FOCAD: variants seen among roughly 807,000 people sequenced by gnomAD.
FOCAD encodes the protein KIAA1797.
Under a neutral mutation model 225.6 loss-of-function variants are expected in FOCAD, and 198 were observed. The ratio of observed to expected loss-of-function variants is 0.88; its 90% CI spans 0.78 to 0.99. FOCAD has a LOEUF of 0.99. Ranked by LOEUF, FOCAD falls within the 50% of genes least tolerant of loss-of-function variation. The pLI is 0.00. For missense variants in FOCAD, 2,713 were observed against 2,123.6 expected (o/e 1.28, Z -5.46); for synonymous variants, 897 against 755.0 (o/e 1.19, Z -3.08).
intron 1 of FOCAD, among the ~76,000 whole-genome samples, chr9:20,686,641 A>G (rs1367553428): frequency 1.3e-5 from 2 of 152,226 alleles, no homozygotes; most frequent in Non-Finnish European, 2.9e-5. Flanking sequence ...GTTTAAGCAC[A>G]AAAAGAAAAT....
intron 1 of FOCAD, among the ~76,000 whole-genome samples, chr9:20,696,752 T>C (rs1031974770): frequency 2.0e-5 from 3 of 152,096 alleles, no homozygotes; most frequent in African/African-American, 7.2e-5. Context: ...TTGTAGTGAA[T>C]TGAGATCATG....
At chr9:20,674,387 T>C (rs898224344) in intron 2 of FOCAD, among the ~76,000 whole-genome samples, 1 of 152,176 alleles carries the variant, frequency 6.6e-6, no homozygotes, top group Non-Finnish European at 1.5e-5. Context: ...ACCATGGAAG[T>C]TGGCAAACAC....
chr9:20,772,804 G>A (rs1269782036), intron 8 of FOCAD, among the ~76,000 whole-genome samples: 1 of 151,878 alleles, frequency 6.6e-6, no homozygotes, highest in African/African-American at 2.4e-5. Flanking sequence ...TTGTCAATTT[G>A]CCAATCTTAT....
At chr9:20,797,156 G>C (rs888881500) in intron 11 of FOCAD, among the ~76,000 whole-genome samples, 1 of 152,088 alleles carries the variant, frequency 6.6e-6, no homozygotes, top group Non-Finnish European at 1.5e-5. Flanking sequence ...TGAGGGCTCT[G>C]TTCTGTTCCA....
chr9:20,772,340 G>C (rs548799079), intron 8 of FOCAD, among the ~76,000 whole-genome samples: 105 of 152,252 alleles, frequency 6.9e-4, no homozygotes, highest in African/African-American at 2.0e-3. Context: ...GGCTAAAGGT[G>C]TACATTTGTA....
intron 15 of FOCAD, among the ~76,000 whole-genome samples, chr9:20,826,453 G>A (rs964056563): frequency 6.6e-5 from 10 of 152,034 alleles, no homozygotes; most frequent in African/African-American, 1.9e-4. Context: ...ACGGATGAAG[G>A]CTACACTGTC....
intron 2 of FOCAD, among the ~76,000 whole-genome samples, chr9:20,673,445 A>C (rs1009729446): frequency 6.6e-6 from 1 of 152,058 alleles, no homozygotes; most frequent in African/African-American, 2.4e-5. Flanking sequence ...CTTTTTTATT[A>C]TAACTATCCT....
chr9:20,982,282 C>G, intron 38 of FOCAD, 75 bp from the exon 39 acceptor site: 3 of 1,082,040 alleles, frequency 2.8e-6, no homozygotes, highest in South Asian at 2.9e-5. Context: ...ATAAGAAAAT[C>G]TAATAATTTG....
At chr9:20,808,797 A>T (rs957208863) in intron 11 of FOCAD, among the ~76,000 whole-genome samples, 1 of 151,836 alleles carries the variant, frequency 6.6e-6, no homozygotes. Context: ...GCTACTTCCT[A>T]CTCTGCTACC....
intron 24 of FOCAD, among the ~76,000 whole-genome samples, chr9:20,922,897 G>A (rs1367242168): frequency 6.6e-6 from 1 of 152,164 alleles, no homozygotes; most frequent in Non-Finnish European, 1.5e-5. Flanking sequence ...AATATTAAAT[G>A]TACATTTTCA....
intron 1 of FOCAD, among the ~76,000 whole-genome samples, chr9:20,710,449 T>C (rs1047283089): frequency 1.3e-5 from 2 of 151,740 alleles, no homozygotes; most frequent in Admixed American, 6.6e-5. Context: ...TACAAAAAAT[T>C]AGCCAGGCGT....
At chr9:20,896,294 A>C (rs1259217322) in intron 21 of FOCAD, among the ~76,000 whole-genome samples, 1 of 151,882 alleles carries the variant, frequency 6.6e-6, no homozygotes, top group African/African-American at 2.4e-5. Context: ...ATTTATGTTC[A>C]TGAAAGATAT....
chr9:20,745,834 T>C (rs1827996375), intron 5 of FOCAD, among the ~76,000 whole-genome samples: 1 of 152,200 alleles, frequency 6.6e-6, no homozygotes, highest in African/African-American at 2.4e-5. Context: ...GCAGATGGTG[T>C]GCTCGGAAGT....
intron 43 of FOCAD, among the ~76,000 whole-genome samples, chr9:20,994,001 CTG>C (rs774998613): frequency 4.3e-4 from 66 of 152,256 alleles, no homozygotes; most frequent in Admixed American, 2.5e-3. Flanking sequence ...TTTCCTGCTT[CTG>C]TGTGTGTTGT....
intron 26 of FOCAD, chr9:20,927,640 G>A (rs990800061): frequency 2.0e-5 from 3 of 151,704 alleles, no homozygotes; most frequent in Non-Finnish European, 2.9e-5. Flanking sequence ...CCTTTTATTG[G>A]TCGTAGTACA....
chr9:20,708,627 T>C (rs958361127), intron 1 of FOCAD, among the ~76,000 whole-genome samples: 5 of 151,854 alleles, frequency 3.3e-5, no homozygotes, highest in African/African-American at 9.7e-5. Flanking sequence ...AAAAAAACTT[T>C]AGCCAGGCAC....
intron 21 of FOCAD, among the ~76,000 whole-genome samples, chr9:20,905,160 A>G (rs1384733718): frequency 1.3e-5 from 2 of 151,966 alleles, no homozygotes; most frequent in Non-Finnish European, 2.9e-5. Flanking sequence ...TAATCCCATA[A>G]AACGTGGGGA....
intron 2 of FOCAD, among the ~76,000 whole-genome samples, chr9:20,661,027 G>A (rs115771479): frequency 4.6e-5 from 7 of 152,234 alleles, no homozygotes; most frequent in South Asian, 2.1e-4. Flanking sequence ...AGACAGAGAG[G>A]AATAATTTGA....
At chr9:20,659,482 G>T (rs1168802033) in intron 2 of FOCAD, among the ~76,000 whole-genome samples, 1 of 150,680 alleles carries the variant, frequency 6.6e-6, no homozygotes, top group Non-Finnish European at 1.5e-5. Flanking sequence ...TAAGATATAA[G>T]AAGAGGAAGT....
Sources: gnomAD v4.1 joint callset for allele counts (sites outside exome capture counted in the v4.1 genomes callset) on GRCh38, gnomAD v4.1.1 for gene constraint, MANE v1.5 for transcripts, NCBI Gene and HGNC (gene_info 2026-07-23, HGNC 2026-07-21) for gene names.